Variants in DUSP13A observed in about 807,000 individuals in gnomAD.
The protein encoded by DUSP13A is dual specificity protein phosphatase 13A.
the DUSP13A span, among the ~76,000 whole-genome samples, chr10:75,106,513 A>C: frequency 1.3e-5 from 2 of 152,150 alleles, no homozygotes; most frequent in African/African-American, 4.8e-5. Flanking sequence ...GTATTGCTTG[A>C]ATCACAAAGC....
the DUSP13A span, among the ~76,000 whole-genome samples, chr10:75,106,942 A>T: frequency 6.6e-6 from 1 of 152,370 alleles, no homozygotes; most frequent in Middle Eastern, 3.4e-3. Flanking sequence ...AGTGAGGGAC[A>T]CAGCTGTCTT....
chr10:75,107,047 C>T, the DUSP13A span, among the ~76,000 whole-genome samples: 15 of 152,176 alleles, frequency 9.9e-5, no homozygotes, highest in Non-Finnish European at 2.9e-5. Context: ...GTTAAAAGTA[C>T]TTTGGGGGCC....
the DUSP13A span, chr10:75,105,934 G>A: frequency 1.4e-6 from 2 of 1,472,452 alleles, no homozygotes; most frequent in South Asian, 2.5e-5. Context: ...CTGGGATGGG[G>A]ACCCAAGTTC....
the DUSP13A span, among the ~76,000 whole-genome samples, chr10:75,106,105 T>TC: frequency 0.23 from 32,801 of 140,980 alleles, 3,792 homozygotes; most frequent in East Asian, 0.56. Context: ...TCTTTTCTTT[T>TC]TTTTTTTTTT....
the DUSP13A span, among the ~76,000 whole-genome samples, chr10:75,108,767 T>G: frequency 1.3e-5 from 2 of 152,130 alleles, no homozygotes; most frequent in Non-Finnish European, 2.9e-5. Flanking sequence ...CTGGAAATGT[T>G]TCCTGGAACT....
chr10:75,108,244 A>C, the DUSP13A span: 1 of 1,563,818 alleles, frequency 6.4e-7, no homozygotes, highest in South Asian at 1.2e-5. Flanking sequence ...GATGCCGGCC[A>C]AGCCATGGGA....
chr10:75,109,134 C>A, the DUSP13A span: 1 of 1,603,692 alleles, frequency 6.2e-7, no homozygotes, highest in Non-Finnish European at 8.5e-7. Context: ...CTCCCCCCAG[C>A]TCTGGGAGAG....
the DUSP13A span, among the ~76,000 whole-genome samples, chr10:75,108,441 C>G: frequency 6.6e-6 from 1 of 152,180 alleles, no homozygotes; most frequent in African/African-American, 2.4e-5. Flanking sequence ...TCTTTGCTTC[C>G]TCAATGCATC....
At chr10:75,107,818 C>A in the DUSP13A span, among the ~76,000 whole-genome samples, 6 of 152,144 alleles carry the variant, frequency 3.9e-5, no homozygotes, top group Non-Finnish European at 8.8e-5. Context: ...CTCAGGCGAT[C>A]CACCCACCTC....
At chr10:75,108,344 G>T in the DUSP13A span, 39 of 1,431,974 alleles carry the variant, frequency 2.7e-5, no homozygotes, top group Admixed American at 3.4e-4. Context: ...GCTCCAAGTG[G>T]GGTCTGACTC....
At chr10:75,107,902 G>A in the DUSP13A span, 1 of 1,400,008 alleles carries the variant, frequency 7.1e-7, no homozygotes, top group East Asian at 2.5e-5. Flanking sequence ...TAAAAAGCAG[G>A]GATGGGAGGG....
the DUSP13A span, chr10:75,108,001 T>C: frequency 6.2e-7 from 1 of 1,612,200 alleles, no homozygotes; most frequent in Non-Finnish European, 8.5e-7. Context: ...CCCCCAGGCG[T>C]GTTGAGGGCA....
At chr10:75,105,798 C>T in the DUSP13A span, 1 of 1,550,984 alleles carries the variant, frequency 6.4e-7, no homozygotes, top group South Asian at 1.2e-5. Flanking sequence ...GCCGCTGGTG[C>T]AGCATGAGGT....
the DUSP13A span, chr10:75,108,176 C>A: frequency 1.2e-6 from 2 of 1,611,404 alleles, no homozygotes; most frequent in Non-Finnish European, 1.7e-6. Context: ...TGATGCCCAG[C>A]TTCCACAGCT....
chr10:75,108,941 T>C, the DUSP13A span: 1 of 1,533,350 alleles, frequency 6.5e-7, no homozygotes, highest in Non-Finnish European at 8.8e-7. Context: ...CTCCTGTGTC[T>C]GGTAAAGCGA....
chr10:75,109,050 G>A, the DUSP13A span: 2 of 1,611,690 alleles, frequency 1.2e-6, no homozygotes, highest in Admixed American at 1.7e-5. Flanking sequence ...CGTCCACACG[G>A]CTGCAAGAAG....
the DUSP13A span, among the ~76,000 whole-genome samples, chr10:75,107,110 CAG>C: frequency 6.6e-6 from 1 of 152,134 alleles, no homozygotes; most frequent in Non-Finnish European, 1.5e-5. Context: ...CCGAGGCAGA[CAG>C]ATCACTTGAG....
the DUSP13A span, chr10:75,108,208 C>G: frequency 6.3e-6 from 10 of 1,597,126 alleles, no homozygotes; most frequent in African/African-American, 1.2e-4. Context: ...TTTGCCGTGG[C>G]CCTGGGGAGG....
At chr10:75,108,816 G>C in the DUSP13A span, among the ~76,000 whole-genome samples, 1 of 152,176 alleles carries the variant, frequency 6.6e-6, no homozygotes, top group Non-Finnish European at 1.5e-5. Context: ...CGAAGTCCCT[G>C]CTCTCCCTGG....
Sources: gnomAD v4.1 joint callset for allele counts (sites outside exome capture counted in the v4.1 genomes callset) on GRCh38, gnomAD v4.1.1 for gene constraint, MANE v1.5 for transcripts, NCBI Gene and HGNC (gene_info 2026-07-23, HGNC 2026-07-21) for gene names.